The following KIAA1549 variants were observed in gnomAD, a reference collection of about 807,000 sequenced individuals.
KIAA1549 encodes UPF0606 protein KIAA1549.
A neutral mutation model predicts 156.4 loss-of-function variants in KIAA1549; 70 were observed. The ratio of observed to expected loss-of-function variants is 0.45; its 90% CI spans 0.37 to 0.55. The LOEUF is 0.55. Among genes scored for constraint, KIAA1549 ranks in the 20% least tolerant of loss-of-function variants. The pLI, the probability that KIAA1549 is intolerant of heterozygous loss-of-function variation, is 0.00. For missense variants in KIAA1549, 2,428 were observed against 2,540.9 expected, an observed-to-expected ratio of 0.96 and a Z score of 0.96; for synonymous variants, 1,103 against 1,066.4, an observed-to-expected ratio of 1.03 and a Z score of -0.67.
chr7:138,842,604 A>G (rs57046942), intron 18 of KIAA1549, among the ~76,000 whole-genome samples: 5,070 of 152,124 alleles, frequency 0.033, 280 homozygotes, highest in African/African-American at 0.12. Context: ...GAGGCAGGAG[A>G]ATCGCTTGAA....
intron 17 of KIAA1549, 137 bp from the exon 18 acceptor site, chr7:138,844,611 A>G: frequency 3.7e-6 from 3 of 803,040 alleles, no homozygotes; most frequent in Non-Finnish European, 5.4e-6. Context: ...TGGAAGGGGA[A>G]GAGATGTTTC....
intron 1 of KIAA1549, among the ~76,000 whole-genome samples, chr7:138,951,772 A>G (rs936201586): frequency 1.3e-5 from 2 of 152,258 alleles, no homozygotes; most frequent in African/African-American, 4.8e-5. Flanking sequence ...CATCATGATG[A>G]GAAAACTATA....
intron 1 of KIAA1549, among the ~76,000 whole-genome samples, chr7:138,967,381 G>C (rs1563097315): frequency 6.6e-6 from 1 of 152,236 alleles, no homozygotes; most frequent in Non-Finnish European, 1.5e-5. Context: ...TCTGAGCAGA[G>C]ACCTGAAGGA....
chr7:138,838,836 C>A (rs978118974), intron 19 of KIAA1549, among the ~76,000 whole-genome samples: 2 of 152,044 alleles, frequency 1.3e-5, no homozygotes, highest in African/African-American at 4.8e-5. Context: ...AAATAGTGAC[C>A]GAGCAGTGTT....
chr7:138,938,965 T>A (rs1350245070), intron 1 of KIAA1549, among the ~76,000 whole-genome samples: 2 of 152,188 alleles, frequency 1.3e-5, no homozygotes, highest in East Asian at 3.8e-4. Context: ...GGAGAATAGC[T>A]TAAACCTGGG....
At chr7:138,927,265 G>C (rs146178423) in intron 1 of KIAA1549, among the ~76,000 whole-genome samples, 1 of 152,138 alleles carries the variant, frequency 6.6e-6, no homozygotes, top group Admixed American at 6.5e-5. Context: ...TTTCTGATAC[G>C]AACTTTCCTA....
Position 138,962,437 on chromosome 7 carries a change from G to A in KIAA1549, c.187+18646C>T, listed in dbSNP as rs529731953. Among the ~76,000 whole-genome samples the A allele has an allele frequency of 2.0e-5, 3 of 152,298 alleles. No homozygotes were observed. In the East Asian group the frequency reaches 5.8e-4, roughly 29 times the overall value. ...CCTGCCCCTTGTGGACTAGTCTTGT[G>A]ATTTTCTCTGACCAGCAGAATGCAT... On this transcript the variant is annotated intron_variant, in intron 1 of 19. Coordinates refer to ENST00000422774, the MANE Select transcript of KIAA1549 (RefSeq NM_001164665.2).
intron 18 of KIAA1549, among the ~76,000 whole-genome samples, chr7:138,842,144 C>G (rs1809940060): frequency 6.6e-6 from 1 of 152,210 alleles, no homozygotes; most frequent in Non-Finnish European, 1.5e-5. Flanking sequence ...AAGGCTCAAC[C>G]AACTGCACAG....
intron 15 of KIAA1549, among the ~76,000 whole-genome samples, chr7:138,867,191 G>A (rs1166889573): frequency 1.3e-5 from 2 of 152,176 alleles, no homozygotes; most frequent in East Asian, 3.8e-4. Flanking sequence ...GGACAGTACA[G>A]GGAAATAAAA....
intron 1 of KIAA1549, among the ~76,000 whole-genome samples, chr7:138,959,152 G>A (rs1005262410): frequency 6.6e-6 from 1 of 151,984 alleles, no homozygotes. Flanking sequence ...CACCTGCCTC[G>A]GCCTCCCAAA....
intron 7 of KIAA1549, among the ~76,000 whole-genome samples, chr7:138,904,560 G>C (rs1811952290): frequency 6.7e-6 from 1 of 149,928 alleles, no homozygotes; most frequent in Admixed American, 6.7e-5. Context: ...TTGTGCACTA[G>C]GTTAGAAAGG....
intron 1 of KIAA1549, among the ~76,000 whole-genome samples, chr7:138,943,921 T>C (rs1375823776): frequency 1.3e-5 from 2 of 151,634 alleles, no homozygotes; most frequent in Non-Finnish European, 2.9e-5. Flanking sequence ...CACTTAAATC[T>C]ACTCTCTTAG....
At chr7:138,875,369 G>A (rs1811052647) in intron 12 of KIAA1549, among the ~76,000 whole-genome samples, 1 of 152,076 alleles carries the variant, frequency 6.6e-6, no homozygotes. Context: ...AAAACGCTGG[G>A]CATAGTGGCT....
chr7:138,910,363 C>A (rs1171679856), intron 4 of KIAA1549, among the ~76,000 whole-genome samples: 1 of 151,848 alleles, frequency 6.6e-6, no homozygotes, highest in Non-Finnish European at 1.5e-5. Flanking sequence ...CTTAGGAAGA[C>A]CCCATCTCTA....
At chr7:138,890,982 G>A (rs963808898) in intron 10 of KIAA1549, among the ~76,000 whole-genome samples, 5 of 152,120 alleles carry the variant, frequency 3.3e-5, no homozygotes, top group Non-Finnish European at 5.9e-5. Context: ...CACTGGGCCC[G>A]CCTTCATCTC....
At chr7:138,910,397 C>CTTTTT (rs200459041) in intron 4 of KIAA1549, among the ~76,000 whole-genome samples, 1 of 131,014 alleles carries the variant, frequency 7.6e-6, no homozygotes, top group Admixed American at 7.9e-5. Context: ...TTCTTAAATT[C>CTTTTT]TTTTTTTTTT....
rs542794999 is a variant in KIAA1549, at chr7:138,910,437, G to A, written c.3145+709C>T. Among the ~76,000 whole-genome samples the A allele has an allele frequency of 7.6e-5, 10 of 132,266 alleles. No individual in the cohort carries two copies. In the South Asian group the frequency reaches 2.5e-3, roughly 32 times the overall value. The allele number at this position is 132,266 out of a possible 152,430, so 86.8% of individuals were successfully genotyped here. On this transcript the variant is annotated intron_variant, in intron 4 of 19. Coordinates refer to ENST00000422774, the MANE Select transcript of KIAA1549 (RefSeq NM_001164665.2). Reference sequence around the variant, plus strand: ...TTTTGAGATAGGGTCTCACTCTGTTGTCCAAGCTGGAGTGCAGTGGCACGA... The same window carrying A: ...TTTTGAGATAGGGTCTCACTCTGTTATCCAAGCTGGAGTGCAGTGGCACGA...
At position 138,835,168 on chromosome 7, in the gene KIAA1549, A is replaced by C. The variant is rs1475724812; in HGVS notation, c.*2738T>G. 4.6e-6 allele frequency: 1 copy of C among 219,620 alleles called. No individual in the cohort carries two copies. The highest frequency in any genetic ancestry group is 2.3e-5 in the African/African-American group (1 of 44,406). The allele number at this position is 219,620 out of a possible 1,614,324, so 13.6% of individuals were successfully genotyped here. A position where few individuals can be genotyped will look rare whatever the true frequency, so the allele number is the denominator to read the frequency against. ...TCCTTTCAGTGGATGACGTGAACTT[A>C]ATGTCTGAAGACCGCTAGGGTACGG... On this transcript the variant is annotated 3_prime_UTR_variant, in exon 20 of 20. Transcript: ENST00000422774.
intron 13 of KIAA1549, among the ~76,000 whole-genome samples, chr7:138,870,247 G>A (rs530162065): frequency 2.0e-4 from 31 of 152,024 alleles, no homozygotes; most frequent in East Asian, 1.4e-3. Flanking sequence ...CCGAGAGAGC[G>A]ACAGGCACAG....
Sources: allele counts gnomAD v4.1 joint callset (sites outside exome capture counted in the v4.1 genomes callset), GRCh38; gene constraint gnomAD v4.1.1; transcripts MANE v1.5; gene names NCBI Gene and HGNC (gene_info 2026-07-23, HGNC 2026-07-21).